The following RGS6 variants were observed in gnomAD, a reference collection of about 807,000 sequenced individuals.
The protein encoded by RGS6 is regulator of G protein signaling 6.
A neutral mutation model predicts 78.5 loss-of-function variants in RGS6; 30 were observed. That is an observed-to-expected ratio of 0.38 (90% CI 0.29 to 0.52). The LOEUF (loss-of-function observed/expected upper bound fraction) is 0.52, where lower values mean the gene tolerates loss of function less well. Ranked by LOEUF, RGS6 falls within the 20% of genes least tolerant of loss-of-function variation. RGS6 has a pLI of 0.85. For synonymous variants in RGS6, 206 were observed against 206.0 expected (o/e 1.00, Z 0.00); for missense variants, 495 against 609.7 (o/e 0.81, Z 1.98).
chr14:71,894,690 C>A, the RGS6 span, among the ~76,000 whole-genome samples: 1 of 152,160 alleles, frequency 6.6e-6, no homozygotes, highest in Non-Finnish European at 1.5e-5. Context: ...AAGATACTAT[C>A]CCAGTACCTA....
chr14:72,555,862 T>A (rs2097567993), intron 17 of RGS6, among the ~76,000 whole-genome samples: 1 of 152,126 alleles, frequency 6.6e-6, no homozygotes, highest in Non-Finnish European at 1.5e-5. Flanking sequence ...CATCAGCAGG[T>A]GGCTGTTTGT....
Position 72,495,481 on chromosome 14 carries a change from C to T in RGS6, c.965+219C>T, listed in dbSNP as rs80114161. On this transcript the variant is annotated intron_variant, in intron 13 of 17. Transcript: ENST00000553525. ...TGGCTCCCCTCTGACCCTTTGGATA[C>T]CATGATAACTGAGACAGTCCCTCAC... Among the ~76,000 whole-genome samples, 134 of 152,188 alleles carry T rather than the reference C, an allele frequency of 8.8e-4. 1 individual carries two copies. In the East Asian group the frequency reaches 0.018, roughly 20 times the overall value.
intron 7 of RGS6, among the ~76,000 whole-genome samples, chr14:72,468,330 C>A (rs141906603): frequency 8.6e-5 from 13 of 150,874 alleles, no homozygotes; most frequent in Non-Finnish European, 2.9e-5. Context: ...GAGCCAAGAT[C>A]GTGCCACTGC....
intron 2 of RGS6, among the ~76,000 whole-genome samples, chr14:72,147,417 T>G (rs2096620418): frequency 1.3e-5 from 2 of 152,234 alleles, no homozygotes; most frequent in Non-Finnish European, 2.9e-5. Context: ...TGCATGATCC[T>G]GTGGCAGAAG....
intron 2 of RGS6, among the ~76,000 whole-genome samples, chr14:72,182,365 G>A (rs1051523472): frequency 5.3e-5 from 8 of 149,898 alleles, no homozygotes; most frequent in South Asian, 4.3e-4. Context: ...GCTTGAACCC[G>A]GGAGGCGGAG....
At chr14:72,179,021 T>G (rs17179877) in intron 2 of RGS6, among the ~76,000 whole-genome samples, 9,332 of 152,266 alleles carry the variant, frequency 0.061, 300 homozygotes, top group Middle Eastern at 0.075. Context: ...ATTTCTGACC[T>G]GGCGAAAACT....
chr14:72,544,485 C>A (rs1233661257), intron 17 of RGS6, among the ~76,000 whole-genome samples: 1 of 152,130 alleles, frequency 6.6e-6, no homozygotes, highest in Non-Finnish European at 1.5e-5. Context: ...GGTGCCAGAG[C>A]AAGCACTGGA....
chr14:71,972,079 A>G (rs1354947305), intron 2 of RGS6, among the ~76,000 whole-genome samples: 1 of 152,194 alleles, frequency 6.6e-6, no homozygotes. Flanking sequence ...ATAGGTATAC[A>G]TGTGCCATGT....
intron 4 of RGS6, among the ~76,000 whole-genome samples, chr14:72,454,896 C>T (rs186516710): frequency 1.3e-5 from 2 of 152,288 alleles, no homozygotes; most frequent in African/African-American, 4.8e-5. Context: ...ACTGAACAGC[C>T]TTCTAGAGCC....
Position 72,102,547 on chromosome 14 carries a change from T to G in RGS6, c.84+137672T>G, listed in dbSNP as rs563110327. Among the ~76,000 whole-genome samples, 20 of 152,292 alleles carry G rather than the reference T, an allele frequency of 1.3e-4. No individual in the cohort carries two copies. The South Asian group carries it at 4.2e-3, about 32-fold the overall frequency. On this transcript the variant is annotated intron_variant, in intron 2 of 17. Transcript: ENST00000553525. ...TACAAGATACGTATTATCTCTATTT[T>G]ATGGATTAGAACATTTAGGCTCTGA...
chr14:72,507,638 A>G (rs2096824738), intron 13 of RGS6, among the ~76,000 whole-genome samples: 1 of 152,082 alleles, frequency 6.6e-6, no homozygotes, highest in Non-Finnish European at 1.5e-5. Context: ...CACTCTTGCC[A>G]CCACCAAGGA....
the RGS6 span, among the ~76,000 whole-genome samples, chr14:72,620,426 C>A: frequency 6.6e-6 from 1 of 152,212 alleles, no homozygotes; most frequent in African/African-American, 2.4e-5. Context: ...TGGCCAACAG[C>A]TGTACTGGGA....
chr14:72,238,876 C>G (rs984688447), intron 2 of RGS6, among the ~76,000 whole-genome samples: 2 of 152,152 alleles, frequency 1.3e-5, no homozygotes, highest in South Asian at 2.1e-4. Context: ...TCTGTAAACT[C>G]AAGTTGTCCC....
At chr14:72,217,975 T>A (rs2045975185) in intron 2 of RGS6, among the ~76,000 whole-genome samples, 1 of 152,080 alleles carries the variant, frequency 6.6e-6, no homozygotes, top group Non-Finnish European at 1.5e-5. Context: ...TAAAACCCAT[T>A]TAGGGCTAAA....
At chr14:72,551,295 G>A (rs374675769) in intron 17 of RGS6, among the ~76,000 whole-genome samples, 16 of 152,092 alleles carry the variant, frequency 1.1e-4, no homozygotes, top group African/African-American at 3.4e-4. Flanking sequence ...ACAGATGCCC[G>A]CACAGTGAAG....
intron 2 of RGS6, among the ~76,000 whole-genome samples, chr14:72,025,297 C>T (rs1414577520): frequency 2.0e-5 from 3 of 151,968 alleles, no homozygotes; most frequent in Non-Finnish European, 2.9e-5. Flanking sequence ...TTGTATCTGT[C>T]CCGTGTCTCG....
the RGS6 span, among the ~76,000 whole-genome samples, chr14:72,614,244 G>C: frequency 6.6e-6 from 1 of 152,216 alleles, no homozygotes; most frequent in Non-Finnish European, 1.5e-5. Flanking sequence ...CCACGGACCA[G>C]TTAGACTCTA....
At chr14:72,051,802 A>G (rs1159186382) in intron 2 of RGS6, among the ~76,000 whole-genome samples, 1 of 152,226 alleles carries the variant, frequency 6.6e-6, no homozygotes, top group African/African-American at 2.4e-5. Context: ...CTTATCACTA[A>G]GTCACTGAGA....
chr14:72,495,420 C>T (rs568783384), intron 13 of RGS6, among the ~76,000 whole-genome samples, 158 bp downstream of exon 13: 12 of 152,302 alleles, frequency 7.9e-5, no homozygotes, highest in African/African-American at 2.2e-4. Context: ...ACAGTTTCTA[C>T]CTCCTTATAG....
Sources: allele counts gnomAD v4.1 joint callset (sites outside exome capture counted in the v4.1 genomes callset), GRCh38; gene constraint gnomAD v4.1.1; transcripts MANE v1.5; gene names NCBI Gene and HGNC (gene_info 2026-07-23, HGNC 2026-07-21).